ESR1: variants seen among roughly 807,000 people sequenced by gnomAD.
The protein encoded by ESR1 is estrogen receptor.
In ESR1, 12 loss-of-function variants were observed where a neutral mutation model predicts 52.7. That is an observed-to-expected ratio of 0.23 (90% CI 0.15 to 0.37). The LOEUF (loss-of-function observed/expected upper bound fraction) is 0.37. ESR1 is among the 10% of genes least tolerant of loss of function. The pLI is 1.00. For synonymous variants in ESR1, 305 were observed against 316.8 expected, an observed-to-expected ratio of 0.96 and a Z score of 0.39; for missense variants, 584 against 779.7, an observed-to-expected ratio of 0.75 and a Z score of 2.99.
chr6:151,687,351 G>A (rs1255597916), upstream of ESR1, among the ~76,000 whole-genome samples: 1 of 152,198 alleles, frequency 6.6e-6, no homozygotes, highest in East Asian at 1.9e-4. Context: ...CTCCAGGTAA[G>A]CAGAGTTTCA....
intron 2 of ESR1, among the ~76,000 whole-genome samples, chr6:151,717,284 C>A (rs997023409): frequency 2.6e-5 from 4 of 152,248 alleles, no homozygotes; most frequent in Non-Finnish European, 5.9e-5. Context: ...GAGCTGCAGA[C>A]TGGAGCTGTT....
chr6:151,910,863 C>T (rs563501772), intron 3 of ESR1, among the ~76,000 whole-genome samples: 60 of 152,094 alleles, frequency 3.9e-4, no homozygotes, highest in Non-Finnish European at 7.8e-4. Context: ...CTTTTTCTCA[C>T]CAGGGACTGG....
At chr6:152,013,439 A>G (rs377527586) in intron 5 of ESR1, among the ~76,000 whole-genome samples, 44 of 152,170 alleles carry the variant, frequency 2.9e-4, no homozygotes, top group African/African-American at 9.6e-4. Flanking sequence ...ATCTGTATCT[A>G]TCTTCTTTTT....
At chr6:151,726,628 G>A (rs369718783) in intron 2 of ESR1, among the ~76,000 whole-genome samples, 2 of 152,178 alleles carry the variant, frequency 1.3e-5, no homozygotes, top group Non-Finnish European at 2.9e-5. Context: ...AAGCCACAGC[G>A]CCCGGTCAAG....
At chr6:152,034,474 C>T (rs1004673378) in intron 5 of ESR1, among the ~76,000 whole-genome samples, 2 of 151,964 alleles carry the variant, frequency 1.3e-5, no homozygotes, top group Admixed American at 6.6e-5. Context: ...TGTCACTGTG[C>T]TGTCCATAGA....
Position 151,961,634 on chromosome 6 carries a change from C to T in ESR1, c.1096+17126C>T, listed in dbSNP as rs140168685. Among the ~76,000 whole-genome samples, 935 of 152,180 alleles carry T rather than the reference C, an allele frequency of 6.1e-3. 4 individuals carry two copies. The highest frequency in any genetic ancestry group is 0.024 in the Middle Eastern group (7 of 294). On this transcript the variant is annotated intron_variant, in intron 4 of 7. Coordinates refer to ENST00000206249, the MANE Select transcript of ESR1 (RefSeq NM_000125.4). ...GGAAGGTAGAGTGGGCTGCTTTGGG[C>T]ACATGTGGTTCTGTGGATGTTCTCT...
At position 152,053,112 on chromosome 6, in the gene ESR1, T is replaced by G. The variant is rs1300091529; in HGVS notation, c.1236-7879T>G. ...AATTTCTGCATTCACATTTATTTCTTCTCATATCCTCGAGTTAGAAAAAGG... is the reference window on the plus strand; with the variant it reads ...AATTTCTGCATTCACATTTATTTCTGCTCATATCCTCGAGTTAGAAAAAGG... On this transcript the variant is annotated intron_variant, in intron 5 of 7. Transcript: ENST00000206249. This position sits in a 1 kb window ranked among gnomAD's most constrained non-coding sequence, Gnocchi z 4.1. 6.6e-6 allele frequency among the ~76,000 whole-genome samples: 1 copy of G among 152,240 alleles called. No homozygotes were observed. The highest frequency in any genetic ancestry group is 1.5e-5 in the Non-Finnish European group (1 of 68,038).
intron 6 of ESR1, among the ~76,000 whole-genome samples, chr6:152,123,383 T>G (rs1043455239): frequency 4.6e-5 from 7 of 152,178 alleles, no homozygotes; most frequent in African/African-American, 1.7e-4. Flanking sequence ...CTTTGGAAAA[T>G]GGACACCATT....
At chr6:151,821,819 C>T (rs1037331333) in intron 1 of ESR1, among the ~76,000 whole-genome samples, 2 of 151,914 alleles carry the variant, frequency 1.3e-5, no homozygotes, top group African/African-American at 4.8e-5. Flanking sequence ...ATGACTAAGC[C>T]CGATGTTGGT....
At chr6:151,967,973 A>G (rs2038465257) in intron 4 of ESR1, among the ~76,000 whole-genome samples, 1 of 152,146 alleles carries the variant, frequency 6.6e-6, no homozygotes, top group Admixed American at 6.5e-5. Flanking sequence ...TTGGCCTCAC[A>G]AATGTCTTCT....
intron 2 of ESR1, among the ~76,000 whole-genome samples, chr6:151,873,581 T>G (rs996064564): frequency 6.6e-6 from 1 of 152,212 alleles, no homozygotes; most frequent in Non-Finnish European, 1.5e-5. Context: ...AAAATTCACG[T>G]GCAGATTCTT....
At chr6:151,956,825 T>A (rs1434550904) in intron 4 of ESR1, among the ~76,000 whole-genome samples, 2 of 56,464 alleles carry the variant, frequency 3.5e-5, no homozygotes, top group East Asian at 3.5e-4. Context: ...TATATAAAAA[T>A]ATATATAAAT....
At chr6:151,940,439 C>T (rs1390770939) in intron 3 of ESR1, among the ~76,000 whole-genome samples, 1 of 152,134 alleles carries the variant, frequency 6.6e-6, no homozygotes, top group Non-Finnish European at 1.5e-5. Context: ...CATCTCTTTC[C>T]TCATCTTTCC....
chr6:151,876,401 G>A (rs771516688), intron 2 of ESR1, among the ~76,000 whole-genome samples: 127 of 152,234 alleles, frequency 8.3e-4, no homozygotes, highest in Admixed American at 2.0e-3. Flanking sequence ...AAATACTGAC[G>A]GAAAAGAGGT....
chr6:152,082,641 G>C (rs915894349), intron 6 of ESR1, among the ~76,000 whole-genome samples: 3 of 152,102 alleles, frequency 2.0e-5, no homozygotes, highest in African/African-American at 4.8e-5. Flanking sequence ...AGAAATAAAG[G>C]GTATTCAGTT....
rs9340951 is a variant in ESR1 at position 151,998,695 on chromosome 6, T to C, written c.1097-12961T>C. Among the ~76,000 whole-genome samples, 953 of 152,262 alleles carry C rather than the reference T, an allele frequency of 6.3e-3. 12 individuals are homozygous for C. The highest frequency in any genetic ancestry group is 0.022 in the African/African-American group (923 of 41,566). On this transcript the variant is annotated intron_variant, in intron 4 of 7. Coordinates refer to ENST00000206249, the MANE Select transcript of ESR1 (RefSeq NM_000125.4). ...AGACTATATCACTATATCAATTGTT[T>C]TCTTGAACAACTGGAGTTAATTCTC...
intron 4 of ESR1, among the ~76,000 whole-genome samples, chr6:152,008,247 C>A (rs1266039058): frequency 2.6e-5 from 4 of 152,104 alleles, no homozygotes; most frequent in Non-Finnish European, 4.4e-5. Context: ...CTCTCCCAAC[C>A]CTGACCCAGG....
At chr6:151,718,698 A>G (rs1269891699) in intron 2 of ESR1, among the ~76,000 whole-genome samples, 1 of 152,226 alleles carries the variant, frequency 6.6e-6, no homozygotes, top group Non-Finnish European at 1.5e-5. Context: ...ATGCAGTTTT[A>G]TTAGGCCTTA....
intron 4 of ESR1, among the ~76,000 whole-genome samples, chr6:151,985,097 G>A (rs1350772691): frequency 6.6e-6 from 1 of 152,128 alleles, no homozygotes; most frequent in East Asian, 1.9e-4. Flanking sequence ...AATGAAACGT[G>A]TCACTCAGCA....
Sources: gnomAD v4.1 joint callset for allele counts (sites outside exome capture counted in the v4.1 genomes callset) on GRCh38, gnomAD v4.1.1 for gene constraint, Gnocchi (gnomAD v3.1) non-coding constraint, MANE v1.5 for transcripts, NCBI Gene and HGNC (gene_info 2026-07-23, HGNC 2026-07-21) for gene names.